CDH20: variants seen among roughly 807,000 people sequenced by gnomAD.
CDH20 encodes the protein cadherin 20, also known as cadherin-20.
A neutral mutation model predicts 74.2 loss-of-function variants in CDH20; 29 were observed. The ratio of observed to expected loss-of-function variants is 0.39; its 90% CI spans 0.29 to 0.53. The LOEUF is 0.53. CDH20 is among the 20% of genes least tolerant of loss of function. The pLI, the probability that CDH20 is intolerant of heterozygous loss-of-function variation, is 0.69. For synonymous variants in CDH20, 469 were observed against 405.4 expected (o/e 1.16, Z -1.88); for missense variants, 988 against 1,048.3 (o/e 0.94, Z 0.79).
At chr18:61,513,068 C>G (rs1599137786) in intron 6 of CDH20, among the ~76,000 whole-genome samples, 1 of 151,640 alleles carries the variant, frequency 6.6e-6, no homozygotes, top group East Asian at 2.0e-4. Flanking sequence ...TGATGACTTT[C>G]TGTCTCGTTG....
chr18:61,428,537 C>G (rs537882609), intron 1 of CDH20, among the ~76,000 whole-genome samples: 1 of 152,254 alleles, frequency 6.6e-6, no homozygotes, highest in South Asian at 2.1e-4. Flanking sequence ...GGGTCAAGAG[C>G]TCCATTTCCC....
rs115267448 is a variant in CDH20 at position 61,466,044 on chromosome 18, G to A, written c.-152-24358G>A. ...CACTGCACTCCAGCCTAGGCAATAA[G>A]GCAAGACCTTGTCACTTAAATATAT... On this transcript the variant is annotated intron_variant, in intron 1 of 11. Transcript: ENST00000262717. 9.8e-3 allele frequency among the ~76,000 whole-genome samples: 1,484 copies of A among 151,054 alleles called. 23 individuals are homozygous for A. The highest frequency in any genetic ancestry group is 0.033 in the African/African-American group (1,358 of 40,876).
At chr18:61,351,906 A>ATT (rs1293597063) in intron 1 of CDH20, among the ~76,000 whole-genome samples, 2 of 152,272 alleles carry the variant, frequency 1.3e-5, no homozygotes, top group African/African-American at 4.8e-5. Flanking sequence ...TCCCCTCAAA[A>ATT]TGCTTCTGCA....
At chr18:61,404,907 C>A in intron 1 of CDH20, 3 of 681,594 alleles carry the variant, frequency 4.4e-6, no homozygotes, top group Non-Finnish European at 8.2e-6. Context: ...GTCAGAATCA[C>A]CTGGATCAAT....
chr18:61,531,402 T>C (rs1432333767), intron 7 of CDH20, among the ~76,000 whole-genome samples: 2 of 152,244 alleles, frequency 1.3e-5, no homozygotes, highest in Admixed American at 1.3e-4. Flanking sequence ...ATCAGGGACA[T>C]GGCTCCGTGG....
At chr18:61,496,053 C>T (rs1258378712) in intron 2 of CDH20, among the ~76,000 whole-genome samples, 1 of 28,644 alleles carries the variant, frequency 3.5e-5, no homozygotes, top group African/African-American at 1.5e-4. Context: ...CTTCCTCTCC[C>T]CCCTCTCTCC....
At chr18:61,403,460 A>C (rs1028243391) in intron 1 of CDH20, among the ~76,000 whole-genome samples, 1 of 152,240 alleles carries the variant, frequency 6.6e-6, no homozygotes, top group Admixed American at 6.5e-5. Flanking sequence ...TAGATGTAGC[A>C]CTTCATATTA....
At position 61,523,619 on chromosome 18, in the gene CDH20, C is replaced by T. The variant is rs996191050; in HGVS notation, c.1018-4348C>T. Among the ~76,000 whole-genome samples the T allele has an allele frequency of 3.9e-5, 6 of 152,140 alleles. 1 individual carries two copies. The highest frequency in any genetic ancestry group is 2.0e-4 in the Admixed American group (3 of 15,260). On this transcript the variant is annotated intron_variant, in intron 6 of 11. Coordinates refer to ENST00000262717, the MANE Select transcript of CDH20 (RefSeq NM_031891.4). ...TTTCTACTATAAAGACACATGCACACGTATGTTTATTACAGCACTGTTCAC... is the reference window on the plus strand; with the variant it reads ...TTTCTACTATAAAGACACATGCACATGTATGTTTATTACAGCACTGTTCAC...
At chr18:61,364,135 A>T (rs1910786493) in intron 1 of CDH20, among the ~76,000 whole-genome samples, 1 of 152,076 alleles carries the variant, frequency 6.6e-6, no homozygotes, top group Admixed American at 6.5e-5. Context: ...GTGGGGGGGA[A>T]CATGATGAAG....
At chr18:61,431,263 A>G (rs1913242711) in intron 1 of CDH20, among the ~76,000 whole-genome samples, 1 of 152,170 alleles carries the variant, frequency 6.6e-6, no homozygotes, top group Non-Finnish European at 1.5e-5. Flanking sequence ...ACAAAATATC[A>G]TAATTGCCAA....
At position 61,528,361 on chromosome 18, in the gene CDH20, T is replaced by C; in HGVS notation, c.1271+141T>C. ...CTCCTCTTTGAGTTTTTTGTGTTGT[T>C]TTTTTTTTTTTCCCTTAAATAACAT... On this transcript the variant is annotated intron_variant, in intron 7 of 11. Coordinates refer to ENST00000262717, the MANE Select transcript of CDH20 (RefSeq NM_031891.4). 7.9e-6 allele frequency: 6 copies of C among 757,976 alleles called. No homozygotes were observed. In the African/African-American group the frequency reaches 1.1e-4, roughly 14 times the overall value. 47.0% of individuals were successfully genotyped at this position (757,976 alleles called of 1,614,324 possible).
At chr18:61,518,488 G>A (rs974038449) in intron 6 of CDH20, among the ~76,000 whole-genome samples, 2 of 144,308 alleles carry the variant, frequency 1.4e-5, no homozygotes, top group African/African-American at 2.8e-5. Context: ...AGTCTGGAGC[G>A]GACCTCCAGC....
chr18:61,393,229 A>T (rs1911853186), intron 1 of CDH20, among the ~76,000 whole-genome samples: 1 of 152,174 alleles, frequency 6.6e-6, no homozygotes, highest in African/African-American at 2.4e-5. Context: ...CTACCCCTTC[A>T]TCTTCTTTCT....
chr18:61,515,339 A>G (rs1568172719), intron 6 of CDH20, among the ~76,000 whole-genome samples: 2 of 152,090 alleles, frequency 1.3e-5, no homozygotes, highest in Non-Finnish European at 2.9e-5. Context: ...AAGTGAGGCA[A>G]TGCCTCGCCC....
intron 11 of CDH20, among the ~76,000 whole-genome samples, chr18:61,552,836 C>T (rs1337314759): frequency 1.3e-5 from 2 of 152,154 alleles, no homozygotes; most frequent in Admixed American, 1.3e-4. Flanking sequence ...ATGCTCACTT[C>T]GAATCTCACG....
At chr18:61,396,981 C>G (rs1022468246) in intron 1 of CDH20, among the ~76,000 whole-genome samples, 1 of 152,146 alleles carries the variant, frequency 6.6e-6, no homozygotes, top group African/African-American at 2.4e-5. Flanking sequence ...CGTATGTTCC[C>G]GGGGACCATG....
rs1464558383 is a variant in CDH20, at chr18:61,351,037, C to T, written c.-153+17210C>T. The stretch of plus-strand genomic sequence containing the variant: ...CCTTTTCTTCATCAGCAAGCAGCAT[C>T]TTGGTGCCTAAGTGAATTCTTGTAG... On this transcript the variant is annotated intron_variant, in intron 1 of 11. Transcript: ENST00000262717. 2.0e-5 allele frequency among the ~76,000 whole-genome samples: 3 copies of T among 152,182 alleles called. No individual in the cohort carries two copies. The East Asian group carries it at 5.8e-4, about 29-fold the overall frequency.
chr18:61,390,681 T>A (rs1911750974), intron 1 of CDH20, among the ~76,000 whole-genome samples: 1 of 152,078 alleles, frequency 6.6e-6, no homozygotes, highest in Non-Finnish European at 1.5e-5. Flanking sequence ...TCAAATGTAT[T>A]TGGGGATTTG....
rs557907404 is a variant in CDH20, at chr18:61,383,219, A to G, written c.-153+49392A>G. On this transcript the variant is annotated intron_variant, in intron 1 of 11. Coordinates refer to ENST00000262717, the MANE Select transcript of CDH20 (RefSeq NM_031891.4). ...TGAAAGACTGAACCATCAAAAGTTC[A>G]ATTATGTTCTGTATCTTCTATTTTT... Among the ~76,000 whole-genome samples, 4 of 152,334 alleles carry G rather than the reference A, an allele frequency of 2.6e-5. No homozygotes were observed. In the East Asian group the frequency reaches 5.8e-4, roughly 22 times the overall value.
Sources: gnomAD v4.1 joint callset for allele counts (sites outside exome capture counted in the v4.1 genomes callset) on GRCh38, gnomAD v4.1.1 for gene constraint, MANE v1.5 for transcripts, NCBI Gene and HGNC (gene_info 2026-07-23, HGNC 2026-07-21) for gene names.